EEF1D: variants seen among roughly 807,000 people sequenced by gnomAD.
The protein encoded by EEF1D is eukaryotic translation elongation factor 1 delta, also known as elongation factor 1-delta.
Under a neutral mutation model 63.9 loss-of-function variants are expected in EEF1D, and 47 were observed. The ratio of observed to expected loss-of-function variants is 0.74; its 90% CI spans 0.58 to 0.94. The LOEUF is 0.94. Among genes scored for constraint, EEF1D ranks in the 40% least tolerant of loss-of-function variants. The pLI is 0.00. For synonymous variants in EEF1D, 412 were observed against 386.1 expected (o/e 1.07, Z -0.79); for missense variants, 907 against 899.0 (o/e 1.01, Z -0.11).
At chr8:143,579,881 C>A (rs766987744) in intron 9 of EEF1D, 51 bp from the exon 10 acceptor site, 2 of 1,537,750 alleles carry the variant, frequency 1.3e-6, no homozygotes, top group Non-Finnish European at 1.8e-6. Flanking sequence ...ACAGCCCACT[C>A]GGAGCCAGGA....
chr8:143,584,829 G>GT (rs1418428284), intron 5 of EEF1D, among the ~76,000 whole-genome samples: 1 of 152,184 alleles, frequency 6.6e-6, no homozygotes, highest in Non-Finnish European at 1.5e-5. Context: ...GGGCTGGACT[G>GT]TGAAACTGCC....
chr8:143,584,986 C>T (rs1011973188), intron 5 of EEF1D, among the ~76,000 whole-genome samples: 2 of 152,144 alleles, frequency 1.3e-5, no homozygotes, highest in Non-Finnish European at 2.9e-5. Flanking sequence ...GGATGGACCA[C>T]GCAATCCCCC....
rs10090485 is a variant in EEF1D at position 143,580,060 on chromosome 8, C to T, written c.1857G>A (p.Lys619=). Residue 619 remains lysine (K), a synonymous_variant, in exon 9 of 10, where the codon AAG becomes AAA. Transcript: ENST00000618139. ...CCTCCTCCAGCAAGTCTGTCCCCAC[C>T]TTGTCGTCCTCCACCACACACTGAA... ...LQIQCVVEDD[K]VGTDLLEEEI... 0.03 allele frequency: 47,849 copies of T among 1,614,034 alleles called. 882 individuals are homozygous for T. Among genetic ancestry groups the T allele is most frequent in the Non-Finnish European group, 0.035 (41,877 of 1,179,998 alleles).
At position 143,586,278 on chromosome 8, in the gene EEF1D, T is replaced by C. The variant is rs1409088280; in HGVS notation, c.1228A>G (p.Ser410Gly). The change falls in exon 5 of 10, where the codon AGC (serine) becomes GGC (glycine). Residue 410 changes from serine (S) to glycine (G), a missense_variant. Coordinates refer to ENST00000618139, the MANE Select transcript of EEF1D (RefSeq NM_001130053.5). ...AGASRQENGASVILRDIARAR... is the reference protein window; with the variant it reads ...AGASRQENGAGVILRDIARAR... ...CTCGCAATGTCACGGAGGATCACGC[T>C]GGCGCCGTTCTCCTGCAGACAGTGC... is the stretch of plus-strand genomic sequence containing the variant. 1 of 1,605,862 alleles carries C rather than the reference T, an allele frequency of 6.2e-7. No homozygotes were observed. Among genetic ancestry groups the C allele is most frequent in the East Asian group, 2.2e-5 (1 of 44,644 alleles).
chr8:143,581,177 G>A, intron 6 of EEF1D, 23 bp from the exon 7 acceptor site: 5 of 1,612,886 alleles, frequency 3.1e-6, no homozygotes, highest in Non-Finnish European at 4.2e-6. Flanking sequence ...GGGGAGCACG[G>A]TTAGATGGCA....
chr8:143,593,886 A>T (rs956724843), intron 1 of EEF1D: 1 of 985,304 alleles, frequency 1.0e-6, no homozygotes, highest in African/African-American at 1.7e-5. Context: ...TGCCGGACGC[A>T]GCGCACCATC....
intron 2 of EEF1D, 49 bp from the exon 3 acceptor site, chr8:143,590,130 A>G: frequency 6.3e-7 from 1 of 1,597,850 alleles, no homozygotes; most frequent in Non-Finnish European, 8.5e-7. Flanking sequence ...GTTGCAACAC[A>G]GCGGGTGGCC....
rs935167748 is a variant in EEF1D at position 143,586,660 on chromosome 8, C to T, written c.1215+69G>A. The stretch of plus-strand genomic sequence containing the variant: ...TCTGCCTTCCTGGCCTGGCTGAATC[C>T]GCTTTGTGTGCCCCGGCCACTCCTG... On this transcript the variant is annotated intron_variant, in intron 4 of 9. Transcript: ENST00000618139. The T allele has an allele frequency of 3.8e-5, 60 of 1,579,720 alleles. 1 individual carries two copies. Among genetic ancestry groups the T allele is most frequent in the Admixed American group, 1.0e-4 (6 of 58,960 alleles).
rs1240696242 is a variant in EEF1D, at chr8:143,589,722, C to G, written c.360G>C (p.Gln120His). 1.1e-5 allele frequency: 17 copies of G among 1,523,816 alleles called. No homozygotes were observed. Among genetic ancestry groups the G allele is most frequent in the Non-Finnish European group, 1.5e-5 (17 of 1,135,998 alleles). The allele number at this position is 1,523,816 out of a possible 1,614,324, so 94.4% of individuals were successfully genotyped here. ...RVWLDKSLFD[Q>H]AESSYRQKLA... ...GCTTCTGGCGGTAGGAGCTCTCTGC[C>G]TGGTCGAAAAGTGACTTGTCCAGCC... is the stretch of plus-strand genomic sequence containing the variant. Residue 120 changes from glutamine to histidine, a missense_variant, in exon 3 of 10, where the codon CAG (glutamine) becomes CAC (histidine). Transcript: ENST00000618139.
In EEF1D at chr8:143,581,048, A is replaced by G; in HGVS notation, c.1488+6T>C. 6.2e-7 allele frequency: 1 copy of G among 1,611,284 alleles called. No homozygotes were observed. Among genetic ancestry groups the G allele is most frequent in the Non-Finnish European group, 8.5e-7 (1 of 1,179,776 alleles). Reference sequence around the variant, plus strand: ...CTGCAGTGTCAGGCGTGGGGAGAGCATTCACCTGGGTCTGTGGGGCCGTGG... The same window carrying G: ...CTGCAGTGTCAGGCGTGGGGAGAGCGTTCACCTGGGTCTGTGGGGCCGTGG... On this transcript the variant is annotated splice_donor_region_variant and intron_variant, in intron 7 of 9. Coordinates refer to ENST00000618139, the MANE Select transcript of EEF1D (RefSeq NM_001130053.5).
chr8:143,597,299 G>A (rs969350092), intron 1 of EEF1D, 49 bp downstream of exon 1: 1 of 152,132 alleles, frequency 6.6e-6, no homozygotes, highest in Non-Finnish European at 1.5e-5. Context: ...CGGCCCCTCG[G>A]GCGTCTCTGT....
rs142998821 is a variant in EEF1D at position 143,589,032 on chromosome 8, G to C, written c.1050C>G (p.Pro350=). 8.2e-5 allele frequency: 131 copies of C among 1,602,814 alleles called. No homozygotes were observed. The African/African-American group carries it at 1.4e-3, about 17-fold the overall frequency. Residue 350 remains proline, a synonymous_variant, in exon 3 of 10, where the codon CCC becomes CCG. Coordinates refer to ENST00000618139, the MANE Select transcript of EEF1D (RefSeq NM_001130053.5). Reference sequence around the variant, plus strand: ...ACACGGACAGGCCAGACCGAGGACCGGGTCGGTGAGACAGGGAGGCAGCTT... The same window carrying C: ...ACACGGACAGGCCAGACCGAGGACCCGGTCGGTGAGACAGGGAGGCAGCTT... ...CLEAASLSHR[P]GPRSGLSVSS...
intron 1 of EEF1D, among the ~76,000 whole-genome samples, chr8:143,593,453 G>A (rs1299309947): frequency 6.6e-6 from 1 of 152,198 alleles, no homozygotes; most frequent in Non-Finnish European, 1.5e-5. Context: ...GACTGGGCAG[G>A]AGGGGCCACC....
At chr8:143,590,166 G>A (rs763753207) in intron 2 of EEF1D, 85 bp from the exon 3 acceptor site, 25 of 1,568,914 alleles carry the variant, frequency 1.6e-5, no homozygotes, top group Admixed American at 5.2e-5. Flanking sequence ...CCCTCCCCGT[G>A]CCCGCCCTCC....
chr8:143,594,873 C>A (rs1828540104), intron 1 of EEF1D, among the ~76,000 whole-genome samples: 2 of 146,350 alleles, frequency 1.4e-5, no homozygotes, highest in Non-Finnish European at 3.0e-5. Flanking sequence ...AGAGCAGCCA[C>A]AGGACAGATC....
In EEF1D at chr8:143,579,844, G is replaced by A. The variant is rs1824957632; in HGVS notation, c.1906-14C>T. On this transcript the variant is annotated splice_polypyrimidine_tract_variant and intron_variant, in intron 9 of 9. Transcript: ENST00000618139. ...GACACTCTGCACCTGAGGAGAGGCG[G>A]AGGGTGACGGTCAGGGCTGTTCCCC... 2 of 1,554,722 alleles carry A rather than the reference G, an allele frequency of 1.3e-6. No homozygotes were observed. Among genetic ancestry groups the A allele is most frequent in the Non-Finnish European group, 8.7e-7 (1 of 1,148,286 alleles).
chr8:143,590,246 G>A lies in EEF1D; in HGVS notation c.1-165C>T. 2.8e-6 allele frequency: 3 copies of A among 1,066,976 alleles called. No individual in the cohort carries two copies. In the South Asian group the frequency reaches 4.2e-5, roughly 15 times the overall value. 66.1% of individuals were successfully genotyped at this position (1,066,976 alleles called of 1,614,324 possible). On this transcript the variant is annotated intron_variant, in intron 2 of 9. Coordinates refer to ENST00000618139, the MANE Select transcript of EEF1D (RefSeq NM_001130053.5). ...GGGGCTTCCATGAGATGACATTCGAGGACTTCGAAGTCAAGCCCATGTGGG... is the reference window on the plus strand; with the variant it reads ...GGGGCTTCCATGAGATGACATTCGAAGACTTCGAAGTCAAGCCCATGTGGG...
In EEF1D at chr8:143,580,622, C is replaced by A. The variant is rs1248659333; in HGVS notation, c.1594G>T (p.Glu532Ter). 6.2e-7 allele frequency: 1 copy of A among 1,613,876 alleles called. No individual in the cohort carries two copies. The highest frequency in any genetic ancestry group is 1.3e-5 in the African/African-American group (1 of 75,050). ...AGCTGTGCCGCCTCCTTGTCCTCCT[C>A]CTCATTGTCACTGCCAAACAGGTCA... ...DIDLFGSDNE[E>*]EDKEAAQLRE... Residue 532 changes from glutamate to a stop codon, truncating the protein, a stop_gained, in exon 8 of 10, where the codon GAG becomes TAG. Transcript: ENST00000618139. LOFTEE classifies it high-confidence loss of function.
In EEF1D at chr8:143,580,530, G is replaced by T; in HGVS notation, c.1686C>A (p.Ser562=). The change falls in exon 8 of 10, where the codon TCC becomes TCA. Residue 562 remains serine (S), a synonymous_variant. Coordinates refer to ENST00000618139, the MANE Select transcript of EEF1D (RefSeq NM_001130053.5). The part of the protein sequence containing the change: ...KAKKPALVAK[S]SILLDVKPWD... ...CAGGCTTGACATCCAGCAGGATGGA[G>T]GACTTGGCCACCAGTGCAGGCTTCT... 2 of 1,612,898 alleles carry T rather than the reference G, an allele frequency of 1.2e-6. No homozygotes were observed. Among genetic ancestry groups the T allele is most frequent in the Non-Finnish European group, 1.7e-6 (2 of 1,179,834 alleles).
Sources: gnomAD v4.1 joint callset for allele counts (sites outside exome capture counted in the v4.1 genomes callset) on GRCh38, gnomAD v4.1.1 for gene constraint, MANE v1.5 for transcripts, NCBI Gene and HGNC (gene_info 2026-07-23, HGNC 2026-07-21) for gene names.